Variants in CACNA2D1 observed in about 807,000 individuals in gnomAD.
CACNA2D1 encodes calcium voltage-gated channel auxiliary subunit alpha2delta 1.
CACNA2D1 carries 53 observed loss-of-function variants against 171.5 expected under a neutral mutation model. The ratio of observed to expected loss-of-function variants is 0.31; its 90% CI spans 0.25 to 0.39. The LOEUF (loss-of-function observed/expected upper bound fraction) is 0.39. Among genes scored for constraint, CACNA2D1 ranks in the 10% least tolerant of loss-of-function variants. The pLI is 1.00. For missense variants in CACNA2D1, 903 were observed against 1,299.8 expected, an observed-to-expected ratio of 0.69 and a Z score of 4.69; for synonymous variants, 442 against 443.1, an observed-to-expected ratio of 1.00 and a Z score of 0.03.
chr7:82,436,386 CTTAA>C (rs939383416), intron 1 of CACNA2D1, among the ~76,000 whole-genome samples: 4 of 152,068 alleles, frequency 2.6e-5, no homozygotes, highest in Non-Finnish European at 5.9e-5. Flanking sequence ...CACTTAAGCT[CTTAA>C]TTAAATGTTA....
At chr7:82,256,226 G>A (rs1025495794) in intron 3 of CACNA2D1, among the ~76,000 whole-genome samples, 1 of 152,042 alleles carries the variant, frequency 6.6e-6, no homozygotes, top group African/African-American at 2.4e-5. Flanking sequence ...CCTTGGAGGC[G>A]GAGGTTGCAG....
chr7:82,154,689 G>T (rs1232087679), intron 4 of CACNA2D1, among the ~76,000 whole-genome samples: 1 of 152,128 alleles, frequency 6.6e-6, no homozygotes, highest in Non-Finnish European at 1.5e-5. Context: ...TATAAAATTT[G>T]ATTCAGAAAC....
intron 3 of CACNA2D1, among the ~76,000 whole-genome samples, chr7:82,297,977 A>AT (rs1337412409): frequency 6.6e-6 from 1 of 152,146 alleles, no homozygotes; most frequent in African/African-American, 2.4e-5. Context: ...AATTTTAATA[A>AT]TTTTTTAAAA....
At chr7:82,158,880 T>C (rs1353502659) in intron 4 of CACNA2D1, among the ~76,000 whole-genome samples, 1 of 151,878 alleles carries the variant, frequency 6.6e-6, no homozygotes, top group South Asian at 2.1e-4. Flanking sequence ...ACAGCAAATA[T>C]CCTATTTAAT....
At chr7:82,237,882 A>G (rs1028223870) in intron 3 of CACNA2D1, among the ~76,000 whole-genome samples, 1 of 151,916 alleles carries the variant, frequency 6.6e-6, no homozygotes. Flanking sequence ...TAAAATCTAA[A>G]GATGTCAATT....
intron 3 of CACNA2D1, among the ~76,000 whole-genome samples, chr7:82,321,548 G>C (rs555527044): frequency 5.1e-4 from 78 of 152,194 alleles, no homozygotes; most frequent in African/African-American, 1.7e-3. Flanking sequence ...TCCTCATAAG[G>C]TTATTCTGAA....
chr7:82,435,477 A>G (rs561081947), intron 1 of CACNA2D1, among the ~76,000 whole-genome samples: 1 of 152,176 alleles, frequency 6.6e-6, no homozygotes, highest in African/African-American at 2.4e-5. Context: ...TTAATGACAC[A>G]TGATCTACAT....
intron 1 of CACNA2D1, among the ~76,000 whole-genome samples, chr7:82,359,085 C>A (rs1406710281): frequency 6.6e-6 from 1 of 152,134 alleles, no homozygotes; most frequent in Non-Finnish European, 1.5e-5. Flanking sequence ...CAACCTCTAG[C>A]ATAGTCCCGG....
intron 4 of CACNA2D1, among the ~76,000 whole-genome samples, chr7:82,152,181 T>A (rs6467884): frequency 0.26 from 39,497 of 151,632 alleles, 6,104 homozygotes; most frequent in East Asian, 0.43. Context: ...ATGCCTTCCA[T>A]TTACCATCAT....
intron 3 of CACNA2D1, among the ~76,000 whole-genome samples, chr7:82,228,512 T>C (rs895664108): frequency 6.8e-6 from 1 of 148,122 alleles, no homozygotes; most frequent in African/African-American, 2.4e-5. Context: ...TGTTAACAAT[T>C]AGTTACAAAA....
chr7:82,257,054 T>C (rs1343614725), intron 3 of CACNA2D1, among the ~76,000 whole-genome samples: 1 of 152,214 alleles, frequency 6.6e-6, no homozygotes, highest in Admixed American at 6.5e-5. Flanking sequence ...GGAAGTGGTT[T>C]GTTTTGCTCC....
At chr7:82,169,754 T>C (rs1420357836) in intron 4 of CACNA2D1, among the ~76,000 whole-genome samples, 2 of 151,980 alleles carry the variant, frequency 1.3e-5, no homozygotes, top group Non-Finnish European at 2.9e-5. Flanking sequence ...AAATGAGTTG[T>C]CTGGAAGTTT....
intron 3 of CACNA2D1, among the ~76,000 whole-genome samples, chr7:82,200,118 G>A (rs10954666): frequency 0.27 from 41,169 of 151,908 alleles, 6,885 homozygotes; most frequent in Non-Finnish European, 0.38. Flanking sequence ...CTAAATATGT[G>A]TGCAAACACA....
intron 3 of CACNA2D1, among the ~76,000 whole-genome samples, chr7:82,289,810 G>A (rs1811296208): frequency 6.6e-6 from 1 of 152,216 alleles, no homozygotes; most frequent in South Asian, 2.1e-4. Flanking sequence ...CAGAGTGCTT[G>A]GCATATGCCA....
At chr7:82,300,038 T>TGG (rs1812810461) in intron 3 of CACNA2D1, among the ~76,000 whole-genome samples, 1 of 152,182 alleles carries the variant, frequency 6.6e-6, no homozygotes, top group African/African-American at 2.4e-5. Context: ...CGATCTGTGA[T>TGG]CATTGCTCTG....
intron 31 of CACNA2D1, 47 bp downstream of exon 31, chr7:81,967,122 C>T (rs1794785576): frequency 1.4e-6 from 2 of 1,439,474 alleles, no homozygotes; most frequent in South Asian, 2.3e-5. Context: ...GCAAGAGTAA[C>T]ACAAGGAAAT....
At chr7:82,156,887 A>G (rs1348421346) in intron 4 of CACNA2D1, among the ~76,000 whole-genome samples, 1 of 152,174 alleles carries the variant, frequency 6.6e-6, no homozygotes, top group Non-Finnish European at 1.5e-5. Flanking sequence ...TAGCATCAAC[A>G]TAATTAAGTA....
intron 9 of CACNA2D1, among the ~76,000 whole-genome samples, chr7:82,061,066 G>C (rs1307007678): frequency 6.6e-6 from 1 of 152,044 alleles, no homozygotes; most frequent in Non-Finnish European, 1.5e-5. Flanking sequence ...TCACCTATGT[G>C]CAGGGCTGGC....
At chr7:82,078,349 T>C (rs912704874) in intron 7 of CACNA2D1, among the ~76,000 whole-genome samples, 2 of 152,134 alleles carry the variant, frequency 1.3e-5, no homozygotes, top group Non-Finnish European at 2.9e-5. Context: ...TGATTCCTAA[T>C]AACAATCCCA....
Sources: gnomAD v4.1 joint callset for allele counts (sites outside exome capture counted in the v4.1 genomes callset) on GRCh38, gnomAD v4.1.1 for gene constraint, MANE v1.5 for transcripts, NCBI Gene and HGNC (gene_info 2026-07-23, HGNC 2026-07-21) for gene names.